Variants in PCNX2 observed in about 807,000 individuals in gnomAD.
The protein encoded by PCNX2 is pecanex 2, also known as pecanex-like protein 2.
A neutral mutation model predicts 223.8 loss-of-function variants in PCNX2; 168 were observed. The ratio of observed to expected loss-of-function variants is 0.75; its 90% CI spans 0.66 to 0.85. PCNX2 has a LOEUF of 0.85. PCNX2 is among the 40% of genes least tolerant of loss of function. The pLI is 0.00. For missense variants in PCNX2, 2,507 were observed against 2,675.5 expected, an observed-to-expected ratio of 0.94 and a Z score of 1.39; for synonymous variants, 1,006 against 1,052.6, an observed-to-expected ratio of 0.96 and a Z score of 0.86.
At chr1:233,092,473 G>A (rs1300344348) in intron 22 of PCNX2, among the ~76,000 whole-genome samples, 1 of 152,194 alleles carries the variant, frequency 6.6e-6, no homozygotes, top group Non-Finnish European at 1.5e-5. Flanking sequence ...TGAGGAAACT[G>A]TGCTAGTCTA....
At chr1:233,060,846 C>T (rs1190273162) in intron 23 of PCNX2, among the ~76,000 whole-genome samples, 2 of 152,086 alleles carry the variant, frequency 1.3e-5, no homozygotes, top group African/African-American at 2.4e-5. Context: ...GAACAAGAGT[C>T]GTATAACAGG....
chr1:233,189,396 G>T (rs1428834856), intron 15 of PCNX2, among the ~76,000 whole-genome samples: 1 of 152,192 alleles, frequency 6.6e-6, no homozygotes, highest in Non-Finnish European at 1.5e-5. Context: ...TACTTCAAGT[G>T]TGGTAGTGAG....
At chr1:233,219,509 T>C (rs1657240373) in intron 10 of PCNX2, among the ~76,000 whole-genome samples, 1 of 151,998 alleles carries the variant, frequency 6.6e-6, no homozygotes, top group African/African-American at 2.4e-5. Context: ...TGAGTATACT[T>C]CTCACCTTTC....
intron 17 of PCNX2, chr1:233,167,966 T>G: frequency 2.8e-6 from 1 of 358,870 alleles, no homozygotes; most frequent in Non-Finnish European, 3.9e-6. Flanking sequence ...TTACTGGTAC[T>G]GCCCTCTTCC....
chr1:233,054,269 T>A lies in PCNX2; in HGVS notation c.4350A>T (p.Arg1450=), dbSNP rs1410653691. The change falls in exon 25 of 34, where the codon CGA becomes CGT. Residue 1450 remains arginine (R), a splice_region_variant and synonymous_variant. Transcript: ENST00000258229. The stretch of plus-strand genomic sequence containing the variant: ...TTTCTACAATGAAGAAATTCTTACC[T>A]CGGAATTCCAGTCCTCGAAGTTGAA... ...VTFQLRGLEF[R]GTYCQQREVE... is the part of the protein sequence containing the mutation. The A allele has an allele frequency of 1.2e-6, 2 of 1,612,728 alleles. No homozygotes were observed. The highest frequency in any genetic ancestry group is 1.7e-6 in the Non-Finnish European group (2 of 1,179,104).
intron 1 of PCNX2, among the ~76,000 whole-genome samples, chr1:233,276,223 C>G (rs1660904855): frequency 6.6e-6 from 1 of 152,102 alleles, no homozygotes; most frequent in African/African-American, 2.4e-5. Flanking sequence ...CAATCACGAA[C>G]AAGCAAATTC....
chr1:233,322,941 C>A, the PCNX2 span, among the ~76,000 whole-genome samples: 126 of 150,334 alleles, frequency 8.4e-4, no homozygotes, highest in Non-Finnish European at 1.5e-3. Context: ...TGCCTCAGAG[C>A]AACACACCAA....
chr1:233,130,724 C>T (rs1338798380), intron 21 of PCNX2, among the ~76,000 whole-genome samples: 1 of 151,788 alleles, frequency 6.6e-6, no homozygotes, highest in African/African-American at 2.4e-5. Flanking sequence ...ACCTCATGAT[C>T]CGCTTGCCTC....
chr1:233,123,536 T>C (rs937623610), intron 21 of PCNX2, among the ~76,000 whole-genome samples: 3 of 151,880 alleles, frequency 2.0e-5, no homozygotes, highest in Admixed American at 6.6e-5. Flanking sequence ...GAGCCAAGAT[T>C]GTGCCATTGC....
rs964369593 is a variant in PCNX2, at chr1:233,106,325, T to C, written c.3838-10462A>G. ...AGAAGAAGCAGCTTCCTGGATTCTG[T>C]TGGGGGCTTCCTCTCCTCCCTCTTT... On this transcript the variant is annotated intron_variant, in intron 21 of 33. Coordinates refer to ENST00000258229, the MANE Select transcript of PCNX2 (RefSeq NM_014801.4). 2.6e-5 allele frequency among the ~76,000 whole-genome samples: 4 copies of C among 151,844 alleles called. No individual in the cohort carries two copies. In the East Asian group the frequency reaches 7.7e-4, roughly 29 times the overall value.
At chr1:233,316,219 A>T in the PCNX2 span, among the ~76,000 whole-genome samples, 1 of 152,198 alleles carries the variant, frequency 6.6e-6, no homozygotes, top group Admixed American at 6.5e-5. Context: ...TAAAAATCAC[A>T]ATTACTCTGT....
chr1:233,201,737 G>A (rs1230557324), intron 13 of PCNX2: 2 of 154,224 alleles, frequency 1.3e-5, no homozygotes, highest in African/African-American at 4.8e-5. Flanking sequence ...GGTATGGAAT[G>A]ATATGAAAGG....
intron 1 of PCNX2, among the ~76,000 whole-genome samples, chr1:233,266,105 A>G (rs1660318580): frequency 1.3e-5 from 2 of 152,234 alleles, no homozygotes; most frequent in African/African-American, 4.8e-5. Flanking sequence ...ACCAGACCAT[A>G]GTGGGAGACA....
chr1:233,050,234 T>C (rs1421087990), intron 25 of PCNX2, among the ~76,000 whole-genome samples: 1 of 150,676 alleles, frequency 6.6e-6, no homozygotes, highest in South Asian at 2.1e-4. Context: ...AATTAAAGTA[T>C]AATAAAAAAA....
At chr1:233,104,335 A>T (rs1571874647) in intron 21 of PCNX2, among the ~76,000 whole-genome samples, 1 of 152,178 alleles carries the variant, frequency 6.6e-6, no homozygotes, top group South Asian at 2.1e-4. Context: ...AATAATTTTT[A>T]AAAAATCAAT....
At chr1:233,321,329 G>A in the PCNX2 span, among the ~76,000 whole-genome samples, 2 of 152,076 alleles carry the variant, frequency 1.3e-5, no homozygotes, top group Middle Eastern at 3.4e-3. Flanking sequence ...ACAGCGTCTT[G>A]CTCTGTCACC....
chr1:233,309,801 C>T, the PCNX2 span, among the ~76,000 whole-genome samples: 1 of 151,830 alleles, frequency 6.6e-6, no homozygotes, highest in Non-Finnish European at 1.5e-5. Flanking sequence ...TTGCTTGGGT[C>T]TGGGAGGCGG....
chr1:233,233,424 C>CTGTGTGTGTGTGTG (rs57458756), intron 9 of PCNX2, among the ~76,000 whole-genome samples: 7 of 140,342 alleles, frequency 5.0e-5, no homozygotes, highest in East Asian at 2.2e-4. Context: ...TCCTCTTCTC[C>CTGTGTGTGTGTGTG]TGTGTGTGTG....
At chr1:233,251,194 C>G (rs952304501) in intron 7 of PCNX2, among the ~76,000 whole-genome samples, 2 of 152,120 alleles carry the variant, frequency 1.3e-5, no homozygotes, top group Non-Finnish European at 2.9e-5. Flanking sequence ...TAGGATATAA[C>G]CAGATTTTTT....
Sources: gnomAD v4.1 joint callset for allele counts (sites outside exome capture counted in the v4.1 genomes callset) on GRCh38, gnomAD v4.1.1 for gene constraint, MANE v1.5 for transcripts, NCBI Gene and HGNC (gene_info 2026-07-23, HGNC 2026-07-21) for gene names.